Variants in SMIM35 observed in about 807,000 individuals in gnomAD.
The protein encoded by SMIM35 is small integral membrane protein 35, also known as TMPRSS4 antisense RNA 1 (non-protein coding).
intron 1 of SMIM35, among the ~76,000 whole-genome samples, chr11:118,048,581 G>A (rs1351835947): frequency 7.1e-6 from 1 of 141,436 alleles, no homozygotes; most frequent in African/African-American, 2.6e-5. Context: ...AAGGAAGGAA[G>A]GAAGGAAGGA....
intron 1 of SMIM35, among the ~76,000 whole-genome samples, chr11:118,083,489 T>TG (rs1488413129): frequency 6.6e-6 from 1 of 152,166 alleles, no homozygotes; most frequent in Non-Finnish European, 1.5e-5. Context: ...AAGTCGCTCT[T>TG]TGCTCAGTTC....
Position 118,004,075 on chromosome 11 carries a change from G to A in SMIM35, c.*2335C>T, listed in dbSNP as rs2058110687. ...GCTTGGAGACGGCCTCCTTCTTGCT[G>A]TGGCCTTACACGGTGGAGATAAAGA... On this transcript the variant is annotated 3_prime_UTR_variant, in exon 5 of 5. Transcript: ENST00000689828. 6.6e-6 allele frequency: 1 copy of A among 152,208 alleles called. No individual in the cohort carries two copies. 9.4% of individuals were successfully genotyped at this position (152,208 alleles called of 1,614,324 possible).
chr11:118,057,008 G>T (rs764426881), intron 1 of SMIM35, among the ~76,000 whole-genome samples: 1 of 152,140 alleles, frequency 6.6e-6, no homozygotes, highest in African/African-American at 2.4e-5. Flanking sequence ...AAGGTTGGCC[G>T]CTCACTCCCC....
intron 1 of SMIM35, among the ~76,000 whole-genome samples, chr11:118,082,780 A>G (rs1370138896): frequency 6.6e-6 from 1 of 152,224 alleles, no homozygotes; most frequent in African/African-American, 2.4e-5. Flanking sequence ...AGAGAATATT[A>G]TAAGTGGATC....
chr11:118,049,001 A>G (rs891210090), intron 1 of SMIM35, among the ~76,000 whole-genome samples: 3 of 145,848 alleles, frequency 2.1e-5, no homozygotes, highest in Non-Finnish European at 3.0e-5. Context: ...CAATAATCAT[A>G]ATGTACTACT....
chr11:118,049,917 T>G (rs1283560015), intron 1 of SMIM35, among the ~76,000 whole-genome samples: 4 of 147,888 alleles, frequency 2.7e-5, no homozygotes, highest in African/African-American at 7.5e-5. Context: ...GTCAGGGAGG[T>G]GTTGTGGAGA....
intron 1 of SMIM35, among the ~76,000 whole-genome samples, chr11:118,038,316 G>A (rs540905859): frequency 1.3e-5 from 2 of 152,310 alleles, no homozygotes; most frequent in Admixed American, 1.3e-4. Context: ...TTCTTTTGCA[G>A]CACTCACACC....
At chr11:118,065,328 CAG>C (rs1282832023) in intron 1 of SMIM35, among the ~76,000 whole-genome samples, 1 of 152,142 alleles carries the variant, frequency 6.6e-6, no homozygotes, top group Admixed American at 6.5e-5. Flanking sequence ...AGGAGGAAGA[CAG>C]GGTACCTGCA....
chr11:118,062,748 C>T (rs1944411024), intron 1 of SMIM35, among the ~76,000 whole-genome samples: 1 of 152,178 alleles, frequency 6.6e-6, no homozygotes, highest in South Asian at 2.1e-4. Flanking sequence ...TTTATTTTCT[C>T]TCTCTCTTAA....
chr11:118,046,572 G>A (rs186641428), intron 1 of SMIM35, among the ~76,000 whole-genome samples: 1 of 152,298 alleles, frequency 6.6e-6, no homozygotes, highest in East Asian at 1.9e-4. Context: ...TCTGAGCCAA[G>A]TTGTCCCTCC....
chr11:118,072,128 A>G (rs1944580856), intron 1 of SMIM35, among the ~76,000 whole-genome samples: 1 of 152,170 alleles, frequency 6.6e-6, no homozygotes, highest in Non-Finnish European at 1.5e-5. Flanking sequence ...GGATGGGTGG[A>G]TGGATGGCCA....
At chr11:118,082,922 T>C (rs1945264897) in intron 1 of SMIM35, among the ~76,000 whole-genome samples, 1 of 152,208 alleles carries the variant, frequency 6.6e-6, no homozygotes, top group South Asian at 2.1e-4. Flanking sequence ...CAAGCGTACT[T>C]TGACCTCAGA....
intron 1 of SMIM35, among the ~76,000 whole-genome samples, chr11:118,047,680 C>G (rs537365228): frequency 1.3e-5 from 2 of 152,286 alleles, no homozygotes; most frequent in Non-Finnish European, 2.9e-5. Flanking sequence ...CGGAGAAGCC[C>G]CATGGACAGA....
chr11:118,008,549 T>A (rs2058134232), intron 4 of SMIM35, among the ~76,000 whole-genome samples: 2 of 152,198 alleles, frequency 1.3e-5, no homozygotes, highest in Admixed American at 1.3e-4. Context: ...GTTTTGATCA[T>A]TCCTTAGGTT....
At chr11:118,015,257 C>T (rs1428893740) in intron 2 of SMIM35, among the ~76,000 whole-genome samples, 1 of 152,198 alleles carries the variant, frequency 6.6e-6, no homozygotes, top group African/African-American at 2.4e-5. Context: ...GAGTTGAGAA[C>T]ACCACAGCAA....
intron 1 of SMIM35, among the ~76,000 whole-genome samples, chr11:118,072,572 G>A (rs1320153239): frequency 2.0e-5 from 3 of 152,182 alleles, no homozygotes; most frequent in Admixed American, 1.3e-4. Context: ...ATGAAGGCAG[G>A]AAGAAAGAAG....
intron 1 of SMIM35, among the ~76,000 whole-genome samples, chr11:118,027,802 G>C (rs533243276): frequency 6.6e-5 from 10 of 152,212 alleles, no homozygotes; most frequent in Non-Finnish European, 1.3e-4. Context: ...GTGTTTGAGA[G>C]AATGAGGCTC....
chr11:118,076,831 GA>G (rs967469416), intron 1 of SMIM35, among the ~76,000 whole-genome samples: 3 of 152,144 alleles, frequency 2.0e-5, no homozygotes, highest in Non-Finnish European at 4.4e-5. Context: ...AAGGTAGGGG[GA>G]GGGGGGGCGG....
At chr11:118,084,613 C>T (rs555964582) in intron 1 of SMIM35, among the ~76,000 whole-genome samples, 14 of 152,346 alleles carry the variant, frequency 9.2e-5, no homozygotes, top group Admixed American at 3.9e-4. Context: ...TACAGAACCA[C>T]AGCACAGACC....
Sources: gnomAD v4.1 joint callset for allele counts (sites outside exome capture counted in the v4.1 genomes callset) on GRCh38, gnomAD v4.1.1 for gene constraint, MANE v1.5 for transcripts, NCBI Gene and HGNC (gene_info 2026-07-23, HGNC 2026-07-21) for gene names.